Variants in GLYATL2 observed in about 807,000 individuals in gnomAD.
GLYATL2 encodes the protein glycine N-acyltransferase-like protein 2.
In GLYATL2, 25 loss-of-function variants were observed where a neutral mutation model predicts 21.4. That is an observed-to-expected ratio of 1.17 (90% CI 0.85 to 1.63). The LOEUF (loss-of-function observed/expected upper bound fraction) is 1.63. Among genes scored for constraint, GLYATL2 ranks in the 40% most tolerant of loss-of-function variants. The pLI is 0.00. For synonymous variants in GLYATL2, 114 were observed against 118.2 expected, an observed-to-expected ratio of 0.96 and a Z score of 0.23; for missense variants, 361 against 343.3, an observed-to-expected ratio of 1.05 and a Z score of -0.41.
At chr11:58,884,958 G>T in intron 1 of GLYATL2, 1 of 156,836 alleles carries the variant, frequency 6.4e-6, no homozygotes, top group South Asian at 1.9e-4. Context: ...TGATCCTGCT[G>T]AATAATTGCC....
At chr11:58,843,620 G>A (rs10896854) in intron 1 of GLYATL2, among the ~76,000 whole-genome samples, 38,373 of 151,872 alleles carry the variant, frequency 0.25, 5,260 homozygotes, top group East Asian at 0.5. Flanking sequence ...AGAGAGAAGA[G>A]AAAAAGTAAA....
intron 1 of GLYATL2, among the ~76,000 whole-genome samples, chr11:58,852,030 A>G (rs1019379298): frequency 6.6e-6 from 1 of 152,214 alleles, no homozygotes; most frequent in African/African-American, 2.4e-5. Context: ...TAGAAGCATC[A>G]ATAATTTTAA....
intron 1 of GLYATL2, among the ~76,000 whole-genome samples, chr11:58,891,717 G>A (rs1854547177): frequency 6.6e-6 from 1 of 152,180 alleles, no homozygotes; most frequent in African/African-American, 2.4e-5. Context: ...TTTAATCCTA[G>A]CAACACAGAC....
intron 1 of GLYATL2, among the ~76,000 whole-genome samples, chr11:58,862,643 A>G (rs1011851990): frequency 6.6e-6 from 1 of 152,012 alleles, no homozygotes; most frequent in African/African-American, 2.4e-5. Flanking sequence ...TATGTCCAGC[A>G]TTTCTTTTTT....
Position 58,838,376 on chromosome 11 carries a change from G to A in GLYATL2, c.79-8C>T. ...GAAAATGGCGCCATATACCTACGAT[G>A]CAACAGAACAAAGCAGGAGAGGATG... On this transcript the variant is annotated splice_polypyrimidine_tract_variant and splice_region_variant and intron_variant, in intron 2 of 5. Coordinates refer to ENST00000287275, the MANE Select transcript of GLYATL2 (RefSeq NM_145016.4). The A allele has an allele frequency of 6.4e-7, 1 of 1,550,456 alleles. No homozygotes were observed. Among genetic ancestry groups the A allele is most frequent in the Non-Finnish European group, 8.9e-7 (1 of 1,123,042 alleles).
At chr11:58,909,527 G>A in the GLYATL2 span, among the ~76,000 whole-genome samples, 8 of 152,226 alleles carry the variant, frequency 5.3e-5, no homozygotes, top group South Asian at 6.2e-4. Flanking sequence ...CATTAGTTAC[G>A]CATTCTGTAT....
At position 58,837,277 on chromosome 11, in the gene GLYATL2, T is replaced by A; in HGVS notation, c.307A>T (p.Ile103Phe). ...TTTAACTCAGACTAGTTACCTTGGATCTGCAAAGTTTGCTCCCAGCTGATT... is the reference window on the plus strand; with the variant it reads ...TTTAACTCAGACTAGTTACCTTGGAACTGCAAAGTTTGCTCCCAGCTGATT... ...NVISWEQTLQ[I>F]QGCQEGLDEA... Residue 103 changes from isoleucine to phenylalanine, a missense_variant, in exon 4 of 6, where the codon ATC becomes TTC. Physicochemically the swap from Ile to Phe is conservative, Grantham distance 21. Coordinates refer to ENST00000287275, the MANE Select transcript of GLYATL2 (RefSeq NM_145016.4). 1 of 1,613,884 alleles carries A rather than the reference T, an allele frequency of 6.2e-7. No individual in the cohort carries two copies.
At chr11:58,874,087 G>T (rs1854178403) in intron 1 of GLYATL2, among the ~76,000 whole-genome samples, 1 of 152,278 alleles carries the variant, frequency 6.6e-6, no homozygotes, top group Non-Finnish European at 1.5e-5. Flanking sequence ...GGTGTTTATA[G>T]TATTCTTGAT....
At chr11:58,846,782 A>T (rs1328717730), upstream of GLYATL2, among the ~76,000 whole-genome samples, 1 of 152,134 alleles carries the variant, frequency 6.6e-6, no homozygotes, top group Non-Finnish European at 1.5e-5. Flanking sequence ...GCAACTCTTA[A>T]GTGAGTCCTA....
At chr11:58,841,399 A>G (rs1296476339) in intron 1 of GLYATL2, among the ~76,000 whole-genome samples, 1 of 152,188 alleles carries the variant, frequency 6.6e-6, no homozygotes, top group Non-Finnish European at 1.5e-5. Context: ...TATCTATAAA[A>G]TGGGGATAGT....
intron 1 of GLYATL2, among the ~76,000 whole-genome samples, chr11:58,862,652 TTA>T (rs1361503051): frequency 1.3e-5 from 2 of 152,212 alleles, no homozygotes; most frequent in Admixed American, 6.5e-5. Context: ...CATTTCTTTT[TTA>T]TGATTTCTCT....
At chr11:58,850,020 G>T (rs1161884328) in intron 1 of GLYATL2, among the ~76,000 whole-genome samples, 1 of 152,024 alleles carries the variant, frequency 6.6e-6, no homozygotes, top group East Asian at 1.9e-4. Context: ...ATTCTATGAG[G>T]CAAATATTAT....
At chr11:58,865,349 A>T (rs562354049) in intron 1 of GLYATL2, among the ~76,000 whole-genome samples, 2 of 149,076 alleles carry the variant, frequency 1.3e-5, no homozygotes, top group Non-Finnish European at 3.0e-5. Flanking sequence ...ATTTTTCCTT[A>T]ACAAAATAGG....
chr11:58,861,349 G>C (rs1853927541), intron 1 of GLYATL2, among the ~76,000 whole-genome samples: 2 of 151,702 alleles, frequency 1.3e-5, no homozygotes, highest in Non-Finnish European at 2.9e-5. Context: ...ATTTATTCTA[G>C]ATTATTCCAA....
chr11:58,851,347 A>G (rs1260891237), intron 1 of GLYATL2, among the ~76,000 whole-genome samples: 3 of 152,174 alleles, frequency 2.0e-5, no homozygotes, highest in Non-Finnish European at 4.4e-5. Context: ...TGAGATGATT[A>G]TATGGATTTT....
At chr11:58,858,130 G>C (rs982464708) in intron 1 of GLYATL2, among the ~76,000 whole-genome samples, 3 of 152,140 alleles carry the variant, frequency 2.0e-5, no homozygotes, top group African/African-American at 7.2e-5. Context: ...AGCATTGTGT[G>C]TGAGTGGCTC....
intron 1 of GLYATL2, among the ~76,000 whole-genome samples, chr11:58,900,555 A>C (rs969900255): frequency 6.6e-6 from 1 of 152,154 alleles, no homozygotes; most frequent in Non-Finnish European, 1.5e-5. Flanking sequence ...CGCTGGCCTT[A>C]CACCGTGACG....
intron 1 of GLYATL2, among the ~76,000 whole-genome samples, chr11:58,857,151 G>C (rs1197893835): frequency 6.6e-6 from 1 of 152,036 alleles, no homozygotes; most frequent in Non-Finnish European, 1.5e-5. Flanking sequence ...AGTGCACAAG[G>C]GTTCTCCTCT....
intron 5 of GLYATL2, 33 bp from the exon 6 acceptor site, chr11:58,834,870 C>T (rs755584294): frequency 6.8e-7 from 1 of 1,467,940 alleles, no homozygotes; most frequent in South Asian, 1.4e-5. Context: ...ATTTATTCAG[C>T]CAATATTACC....
Sources: gnomAD v4.1 joint callset for allele counts (sites outside exome capture counted in the v4.1 genomes callset) on GRCh38, gnomAD v4.1.1 for gene constraint, MANE v1.5 for transcripts, NCBI Gene and HGNC (gene_info 2026-07-23, HGNC 2026-07-21) for gene names.